Variants in FAAH2 observed in about 807,000 individuals in gnomAD.
The protein encoded by FAAH2 is fatty acid amide hydrolase 2.
Under a neutral mutation model 36.9 loss-of-function variants are expected in FAAH2, and 60 were observed. That is an observed-to-expected ratio of 1.63 (90% CI 1.32 to 2.02). FAAH2 has a LOEUF of 2.02. FAAH2 is among the 30% of genes most tolerant of loss of function. FAAH2 has a pLI of 0.00. For missense variants in FAAH2, 689 were observed against 397.5 expected, an observed-to-expected ratio of 1.73 and a Z score of -6.23; for synonymous variants, 214 against 143.8, an observed-to-expected ratio of 1.49 and a Z score of -3.49.
intron 7 of FAAH2, among the ~76,000 whole-genome samples, chrX:57,420,058 G>T (rs924728383): frequency 9.0e-6 from 1 of 111,510 alleles, no homozygotes; most frequent in Non-Finnish European, 1.9e-5. Context: ...TGAGGGCTCT[G>T]TTCTTTTCCA....
chrX:57,213,181 CT>C, the FAAH2 span, among the ~76,000 whole-genome samples: 1 of 111,101 alleles, frequency 9.0e-6, no homozygotes, highest in South Asian at 3.9e-4. Flanking sequence ...GTAATGTCTC[CT>C]TTTAAACTCG....
intron 10 of FAAH2, among the ~76,000 whole-genome samples, chrX:57,449,735 C>T (rs1026131366): frequency 9.0e-6 from 1 of 110,559 alleles, no homozygotes; most frequent in Non-Finnish European, 1.9e-5. Context: ...GGCACAAGCT[C>T]GGCTCACTGC....
chrX:57,446,961 C>G lies in FAAH2; in HGVS notation c.1150C>G (p.His384Asp). ...GAAATTTGTAGATTTGCTTGGTGAC[C>G]ATGGGAAACATGTCAGTCCTCTGTG... ...PVKFVDLLGDHGKHVSPLWEL... is the reference protein window; with the variant it reads ...PVKFVDLLGDDGKHVSPLWEL... Residue 384 changes from histidine to aspartate, a missense_variant, in exon 9 of 11, where the codon CAT (histidine) becomes GAT (aspartate). His to Asp is a moderately conservative substitution (Grantham distance 81). Coordinates refer to ENST00000374900, the MANE Select transcript of FAAH2 (RefSeq NM_174912.4). 8.3e-7 allele frequency: 1 copy of G among 1,209,399 alleles called. No homozygotes were observed. Among genetic ancestry groups the G allele is most frequent in the Non-Finnish European group, 1.1e-6 (1 of 894,363 alleles).
At chrX:57,251,626 C>G in the FAAH2 span, among the ~76,000 whole-genome samples, 4 of 111,947 alleles carry the variant, frequency 3.6e-5, no homozygotes, top group Middle Eastern at 4.6e-3. Flanking sequence ...ACTGTTAAAA[C>G]TAACAAATTC....
intron 2 of FAAH2, among the ~76,000 whole-genome samples, chrX:57,296,037 A>G (rs1375097789): frequency 8.9e-6 from 1 of 112,498 alleles, no homozygotes; most frequent in Non-Finnish European, 1.9e-5. Context: ...CAGGACACAG[A>G]CAAACAAAAG....
chrX:57,416,896 T>G (rs1020806190), intron 7 of FAAH2, among the ~76,000 whole-genome samples: 3 of 112,276 alleles, frequency 2.7e-5, no homozygotes, highest in Non-Finnish European at 5.6e-5. Flanking sequence ...TTCACATAGT[T>G]TCACATATTT....
At chrX:57,155,904 T>C in the FAAH2 span, among the ~76,000 whole-genome samples, 2 of 111,682 alleles carry the variant, frequency 1.8e-5, no homozygotes, top group Non-Finnish European at 3.8e-5. Context: ...TTTACTCAGC[T>C]CAAGGCAAGG....
At chrX:57,413,776 A>T (rs1378137992) in intron 7 of FAAH2, among the ~76,000 whole-genome samples, 1 of 111,974 alleles carries the variant, frequency 8.9e-6, no homozygotes. Flanking sequence ...TGGGGATAGC[A>T]TTGAATTTAT....
chrX:57,241,546 A>T, the FAAH2 span, among the ~76,000 whole-genome samples: 6 of 111,824 alleles, frequency 5.4e-5, 1 homozygote, highest in Admixed American at 3.8e-4. Context: ...GTTCATTTTT[A>T]AAAATTTTGT....
chrX:57,232,960 C>A, the FAAH2 span, among the ~76,000 whole-genome samples: 1 of 112,363 alleles, frequency 8.9e-6, no homozygotes, highest in East Asian at 2.8e-4. Flanking sequence ...AGTTAATAAA[C>A]AAAAACATCA....
intron 3 of FAAH2, among the ~76,000 whole-genome samples, chrX:57,325,311 G>A (rs1411712974): frequency 9.0e-6 from 1 of 110,953 alleles, no homozygotes; most frequent in Admixed American, 9.6e-5. Flanking sequence ...TTTTTTGGTT[G>A]TGTCTCTGCC....
chrX:57,293,516 C>T (rs1435852021), intron 2 of FAAH2, among the ~76,000 whole-genome samples: 1 of 111,581 alleles, frequency 9.0e-6, no homozygotes, highest in African/African-American at 3.3e-5. Context: ...TATGTGATGC[C>T]AAGCTTACAT....
intron 10 of FAAH2, among the ~76,000 whole-genome samples, chrX:57,473,441 C>T (rs2057206578): frequency 9.0e-6 from 1 of 111,302 alleles, no homozygotes; most frequent in Admixed American, 9.6e-5. Flanking sequence ...GCTTTCTGGC[C>T]AAGCATATGT....
chrX:57,145,620 GA>G, the FAAH2 span, among the ~76,000 whole-genome samples: 5 of 111,957 alleles, frequency 4.5e-5, no homozygotes, highest in African/African-American at 1.6e-4. Context: ...TCTTGGTCAT[GA>G]AGTCTTTGCC....
At chrX:57,149,733 A>T in the FAAH2 span, among the ~76,000 whole-genome samples, 2 of 111,169 alleles carry the variant, frequency 1.8e-5, no homozygotes, top group Non-Finnish European at 3.8e-5. Flanking sequence ...AATTTTTTGA[A>T]GGGATTTTTT....
At chrX:57,352,451 A>G (rs930396094) in intron 5 of FAAH2, among the ~76,000 whole-genome samples, 26 of 109,738 alleles carry the variant, frequency 2.4e-4, no homozygotes, top group South Asian at 3.8e-4. Flanking sequence ...CTAGCCACAG[A>G]AGCAACATAC....
At chrX:57,316,006 A>G (rs1231810932) in intron 3 of FAAH2, among the ~76,000 whole-genome samples, 1 of 111,847 alleles carries the variant, frequency 8.9e-6, no homozygotes, top group Non-Finnish European at 1.9e-5. Context: ...AAAATCCTAA[A>G]GACTCCATCA....
At chrX:57,155,642 C>G in the FAAH2 span, among the ~76,000 whole-genome samples, 1 of 112,362 alleles carries the variant, frequency 8.9e-6, no homozygotes, top group African/African-American at 3.2e-5. Context: ...ACGAGTTTCA[C>G]GTCATCCCCC....
intron 5 of FAAH2, among the ~76,000 whole-genome samples, chrX:57,345,252 C>A (rs185631864): frequency 1.9e-5 from 2 of 107,515 alleles, no homozygotes; most frequent in African/African-American, 6.8e-5. Flanking sequence ...AGCTGTGAAT[C>A]CATCTGGTCG....
Sources: allele counts gnomAD v4.1 joint callset (sites outside exome capture counted in the v4.1 genomes callset), GRCh38; gene constraint gnomAD v4.1.1; transcripts MANE v1.5; gene names NCBI Gene and HGNC (gene_info 2026-07-23, HGNC 2026-07-21).